KCTD19: variants seen among roughly 807,000 people sequenced by gnomAD.
The protein encoded by KCTD19 is potassium channel tetramerization domain containing 19, also known as BTB/POZ domain-containing protein KCTD19.
KCTD19 carries 67 observed loss-of-function variants against 103.5 expected under a neutral mutation model. That is an observed-to-expected ratio of 0.65 (90% CI 0.53 to 0.79). KCTD19 has a LOEUF of 0.79. KCTD19 is among the 30% of genes least tolerant of loss of function. The pLI, the probability that KCTD19 is intolerant of heterozygous loss-of-function variation, is 0.00. For synonymous variants in KCTD19, 439 were observed against 452.2 expected, an observed-to-expected ratio of 0.97 and a Z score of 0.37; for missense variants, 980 against 1,136.1, an observed-to-expected ratio of 0.86 and a Z score of 1.98.
intron 2 of KCTD19, among the ~76,000 whole-genome samples, chr16:67,312,669 T>A (rs2036961243): frequency 6.6e-6 from 1 of 152,126 alleles, no homozygotes; most frequent in Non-Finnish European, 1.5e-5. Context: ...TGTGTACACA[T>A]CCCTCAAAAT....
At position 67,299,786 on chromosome 16, in the gene KCTD19, G is replaced by A. The variant is rs572337206; in HGVS notation, c.776-213C>T. 8 of 557,244 alleles carry A rather than the reference G, an allele frequency of 1.4e-5. 1 individual carries two copies. The South Asian group carries it at 2.1e-4, about 15-fold the overall frequency. 34.5% of individuals were successfully genotyped at this position (557,244 alleles called of 1,614,324 possible). On this transcript the variant is annotated intron_variant, in intron 5 of 15. Coordinates refer to ENST00000304372, the MANE Select transcript of KCTD19 (RefSeq NM_001100915.3). ...AAGTCATAACTATTTGTTGGGAGGTGAGTTGGGAGTGGGGGGATTCATTTG... is the reference window on the plus strand; with the variant it reads ...AAGTCATAACTATTTGTTGGGAGGTAAGTTGGGAGTGGGGGGATTCATTTG...
Position 67,326,732 on chromosome 16 carries a change from G to A in KCTD19, c.-25C>T. ...TGGTCGCGGCTCCAGCAGCGGGCGG[G>A]CGGGCTTGTGACCCGGCCAATAACG... On this transcript the variant is annotated 5_prime_UTR_variant, in exon 1 of 16. Coordinates refer to ENST00000304372, the MANE Select transcript of KCTD19 (RefSeq NM_001100915.3). 1 of 1,572,032 alleles carries A rather than the reference G, an allele frequency of 6.4e-7. No individual in the cohort carries two copies. The highest frequency in any genetic ancestry group is 8.6e-7 in the Non-Finnish European group (1 of 1,164,494).
At chr16:67,316,567 C>T (rs1178640146) in intron 2 of KCTD19, among the ~76,000 whole-genome samples, 2 of 151,786 alleles carry the variant, frequency 1.3e-5, no homozygotes, top group Non-Finnish European at 1.5e-5. Flanking sequence ...TAAACAAAAA[C>T]TACAAAAAAA....
At position 67,291,109 on chromosome 16, in the gene KCTD19, G is replaced by T; in HGVS notation, c.2566-123C>A. 3.3e-6 allele frequency: 4 copies of T among 1,206,272 alleles called. No homozygotes were observed. In the South Asian group the frequency reaches 5.8e-5, roughly 17 times the overall value. 74.7% of individuals were successfully genotyped at this position (1,206,272 alleles called of 1,614,324 possible). On this transcript the variant is annotated intron_variant, in intron 14 of 15. Coordinates refer to ENST00000304372, the MANE Select transcript of KCTD19 (RefSeq NM_001100915.3). ...GGGGTAGGGGGCGGGCACTGTCACT[G>T]CAAATCTGCCTCTTGGCCGAGGCTC...
intron 5 of KCTD19, 27 bp from the exon 6 acceptor site, chr16:67,299,600 C>A: frequency 6.3e-7 from 1 of 1,582,658 alleles, no homozygotes; most frequent in Non-Finnish European, 8.6e-7. Context: ...GGGGTGACTC[C>A]TAGGCCCCCC....
intron 2 of KCTD19, among the ~76,000 whole-genome samples, chr16:67,315,769 G>T (rs1252202240): frequency 2.6e-5 from 4 of 151,908 alleles, no homozygotes; most frequent in Non-Finnish European, 5.9e-5. Flanking sequence ...GTGAGCCACC[G>T]TGCCTGGCTA....
chr16:67,296,933 G>T, intron 7 of KCTD19, among the ~76,000 whole-genome samples: 1 of 152,304 alleles, frequency 6.6e-6, no homozygotes, highest in East Asian at 1.9e-4. Flanking sequence ...CTTCTGTGCC[G>T]CCAGTGTCTA....
At position 67,320,269 on chromosome 16, in the gene KCTD19, C is replaced by G. The variant is rs955531445; in HGVS notation, c.300+320G>C. Among the ~76,000 whole-genome samples the G allele has an allele frequency of 1.3e-5, 2 of 152,068 alleles. No homozygotes were observed. The highest frequency in any genetic ancestry group is 2.9e-5 in the Non-Finnish European group (2 of 68,032). ...GGCATGGTGGCATGCACCTGTGTTC[C>G]CAGCTACTCAGAGGGACTGAGGTGG... On this transcript the variant is annotated intron_variant, in intron 2 of 15. Transcript: ENST00000304372. This position sits in a 1 kb window ranked among gnomAD's most constrained non-coding sequence, Gnocchi z 4.0.
At chr16:67,294,534 T>C (rs1293770718) in intron 11 of KCTD19, 46 bp downstream of exon 11, 1 of 1,322,988 alleles carries the variant, frequency 7.6e-7, no homozygotes, top group South Asian at 1.2e-5. Flanking sequence ...AGCCCGGTGG[T>C]AGTGGTTTTT....
At chr16:67,325,362 G>A (rs1053781964) in intron 1 of KCTD19, among the ~76,000 whole-genome samples, 4 of 144,492 alleles carry the variant, frequency 2.8e-5, no homozygotes, top group African/African-American at 1.1e-4. Context: ...ACAGGCGCCC[G>A]CCACCACGCC....
chr16:67,295,147 C>T, intron 9 of KCTD19, 91 bp from the exon 10 acceptor site: 1 of 1,563,174 alleles, frequency 6.4e-7, no homozygotes. Flanking sequence ...GCCAACAGTT[C>T]CCACGATGGA....
At chr16:67,307,658 T>TAA (rs2036908707) in intron 2 of KCTD19, among the ~76,000 whole-genome samples, 1 of 151,880 alleles carries the variant, frequency 6.6e-6, no homozygotes, top group East Asian at 1.9e-4. Flanking sequence ...GACAGGGCTT[T>TAA]GCCATGTTGC....
At chr16:67,311,907 G>T (rs1403422319) in intron 2 of KCTD19, among the ~76,000 whole-genome samples, 1 of 152,176 alleles carries the variant, frequency 6.6e-6, no homozygotes, top group African/African-American at 2.4e-5. Context: ...ATGAATATCT[G>T]CTGTTTATGT....
intron 7 of KCTD19, 25 bp downstream of exon 7, chr16:67,297,478 C>A: frequency 3.7e-6 from 6 of 1,611,702 alleles, no homozygotes; most frequent in Non-Finnish European, 5.1e-6. Context: ...ATGCTAAATT[C>A]AAACCTAGAA....
intron 1 of KCTD19, among the ~76,000 whole-genome samples, chr16:67,322,220 T>C (rs2142526502): frequency 6.6e-6 from 1 of 151,528 alleles, no homozygotes. Context: ...ATAATAACAA[T>C]AATAATAAAG....
intron 7 of KCTD19, among the ~76,000 whole-genome samples, chr16:67,297,193 T>C (rs1001709400): frequency 2.0e-5 from 3 of 152,096 alleles, no homozygotes; most frequent in Non-Finnish European, 2.9e-5. Context: ...CAGAGGAGGC[T>C]CCTCCCTGCA....
chr16:67,289,766 G>T, intron 15 of KCTD19, 84 bp from the exon 16 acceptor site: 1 of 995,594 alleles, frequency 1.0e-6, no homozygotes, highest in Non-Finnish European at 1.6e-6. Context: ...TCCCATTGGG[G>T]CAGGGACAGG....
chr16:67,324,001 C>T (rs920925637), intron 1 of KCTD19, among the ~76,000 whole-genome samples: 2 of 151,942 alleles, frequency 1.3e-5, no homozygotes, highest in East Asian at 1.9e-4. Context: ...GCTATAGATA[C>T]CTTTTCATAT....
chr16:67,294,759 C>T, intron 10 of KCTD19, 65 bp from the exon 11 acceptor site: 2 of 1,193,620 alleles, frequency 1.7e-6, no homozygotes, highest in Non-Finnish European at 2.5e-6. Context: ...GCCAGTTGGT[C>T]AGATCTGCTC....
Sources: allele counts gnomAD v4.1 joint callset (sites outside exome capture counted in the v4.1 genomes callset), GRCh38; gene constraint gnomAD v4.1.1; non-coding constraint Gnocchi (gnomAD v3.1); transcripts MANE v1.5; gene names NCBI Gene and HGNC (gene_info 2026-07-23, HGNC 2026-07-21).